ZNF518B: variants seen among roughly 807,000 people sequenced by gnomAD.
The protein encoded by ZNF518B is zinc finger protein 518B.
ZNF518B carries 23 observed loss-of-function variants against 56.3 expected under a neutral mutation model. The ratio of observed to expected loss-of-function variants is 0.41; its 90% CI spans 0.29 to 0.58. The LOEUF (loss-of-function observed/expected upper bound fraction) is 0.58, where lower values mean the gene tolerates loss of function less well. ZNF518B is among the 20% of genes least tolerant of loss of function. The probability of loss-of-function intolerance (pLI) is 0.32; values close to 1 mark genes in which losing one functional copy is unlikely to be tolerated. For missense variants in ZNF518B, 1,460 were observed against 1,272.1 expected (o/e 1.15, Z -2.25); for synonymous variants, 529 against 465.9 (o/e 1.14, Z -1.74).
upstream of ZNF518B, among the ~76,000 whole-genome samples, chr4:10,460,325 C>CAAAAAAAAAAAAA (rs1043723933): frequency 0.011 from 636 of 57,590 alleles, 202 homozygotes; most frequent in Middle Eastern, 0.025. Flanking sequence ...AAAAAAAAAC[C>CAAAAAAAAAAAAA]AAAAAAAAAA....
At chr4:10,448,839 T>C (rs1445065520) in intron 2 of ZNF518B, among the ~76,000 whole-genome samples, 6 of 152,202 alleles carry the variant, frequency 3.9e-5, no homozygotes, top group South Asian at 2.1e-4. Context: ...GGAGTCATTA[T>C]GAGAAGCTGG....
At position 10,442,964 on chromosome 4, in the gene ZNF518B, G is replaced by T; in HGVS notation, c.*140C>A. ...CACATACTTCAGGTTCAGACTCCTA[G>T]CTCCCAATATTCCTACAGTTCTGAA... On this transcript the variant is annotated 3_prime_UTR_variant, in exon 3 of 3. Coordinates refer to ENST00000326756, the MANE Select transcript of ZNF518B (RefSeq NM_053042.3). The T allele has an allele frequency of 1.3e-6, 1 of 760,820 alleles. No individual in the cohort carries two copies. Among genetic ancestry groups the T allele is most frequent in the Non-Finnish European group, 2.0e-6 (1 of 488,702 alleles). 47.1% of individuals were successfully genotyped at this position (760,820 alleles called of 1,614,324 possible). A position where few individuals can be genotyped will look rare whatever the true frequency, so the allele number is the denominator to read the frequency against.
upstream of ZNF518B, among the ~76,000 whole-genome samples, chr4:10,458,458 CA>C (rs1715638882): frequency 6.6e-6 from 1 of 152,170 alleles, no homozygotes; most frequent in Non-Finnish European, 1.5e-5. Context: ...GCAGTACTGC[CA>C]CACGGAGAAG....
In ZNF518B at chr4:10,441,036, G is replaced by A. The variant is rs1714654199; in HGVS notation, c.*2068C>T. On this transcript the variant is annotated 3_prime_UTR_variant, in exon 3 of 3. Coordinates refer to ENST00000326756, the MANE Select transcript of ZNF518B (RefSeq NM_053042.3). ...CTAAAAAGCACCAAATAAAAATGCA[G>A]TAATAAAATGATCCAAAGGGGTTTC... 1 of 152,674 alleles carries A rather than the reference G, an allele frequency of 6.5e-6. No individual in the cohort carries two copies. The highest frequency in any genetic ancestry group is 1.9e-4 in the East Asian group (1 of 5,180). 9.5% of individuals were successfully genotyped at this position (152,674 alleles called of 1,614,324 possible).
At position 10,444,185 on chromosome 4, in the gene ZNF518B, G is replaced by C. The variant is rs754150265; in HGVS notation, c.2144C>G (p.Thr715Ser). 3 of 1,614,222 alleles carry C rather than the reference G, an allele frequency of 1.9e-6. No individual in the cohort carries two copies. The highest frequency in any genetic ancestry group is 2.5e-6 in the Non-Finnish European group (3 of 1,180,036). The change falls in exon 3 of 3, where the codon ACT (threonine) becomes AGT (serine). Residue 715 changes from threonine (T) to serine (S), a missense_variant. Coordinates refer to ENST00000326756, the MANE Select transcript of ZNF518B (RefSeq NM_053042.3). ...AGTACCTGTGGAATGGCCAAGACCA[G>C]TGAGTGACACGTTGATTTCTTGAAT... ...EGIQEINVSL[T>S]GLGHSTGTLQ...
intron 1 of ZNF518B, among the ~76,000 whole-genome samples, chr4:10,455,537 C>A (rs1715490768): frequency 6.6e-6 from 1 of 152,148 alleles, no homozygotes; most frequent in South Asian, 2.1e-4. Flanking sequence ...ATAAAATGTT[C>A]TTTGTTCTTC....
Position 10,440,978 on chromosome 4 carries a change from C to CTTCTT in ZNF518B, c.*2125_*2126insAAGAA, listed in dbSNP as rs35830763. On this transcript the variant is annotated 3_prime_UTR_variant, in exon 3 of 3. Coordinates refer to ENST00000326756, the MANE Select transcript of ZNF518B (RefSeq NM_053042.3). Reference sequence around the variant, plus strand: ...TAACATGGATAAAACTTCGAATGCTCTACGTAGTGAAGTGGTACCAAAGAT... The same window carrying CTTCTT: ...TAACATGGATAAAACTTCGAATGCTCTTCTTTACGTAGTGAAGTGGTACCAAAGAT... The CTTCTT allele has an allele frequency of 1.3e-5, 2 of 151,902 alleles. No homozygotes were observed. Among genetic ancestry groups the CTTCTT allele is most frequent in the Admixed American group, 6.6e-5 (1 of 15,232 alleles). The allele number at this position is 151,902 out of a possible 1,614,324, so 9.4% of individuals were successfully genotyped here. A position where few individuals can be genotyped will look rare whatever the true frequency, so the allele number is the denominator to read the frequency against.
At chr4:10,461,327 G>C (rs1715736552), upstream of ZNF518B, among the ~76,000 whole-genome samples, 1 of 152,206 alleles carries the variant, frequency 6.6e-6, no homozygotes, top group Admixed American at 6.5e-5. Flanking sequence ...ACTCAGCTCG[G>C]CCGCCGCGGC....
chr4:10,443,676 A>G lies in ZNF518B; in HGVS notation c.2653T>C (p.Ser885Pro). Reference protein sequence around the residue: ...KQGRLLSRSLSISRNKTKQVH... With the variant: ...KQGRLLSRSLPISRNKTKQVH... ...TGTTTGGTTTTATTTCTACTTATAG[A>G]AAGACTTCTGGAAAGCAGTCTCCCT... is the stretch of plus-strand genomic sequence containing the variant. The change falls in exon 3 of 3, where the codon TCT (serine) becomes CCT (proline). Residue 885 changes from serine to proline, a missense_variant. By Grantham distance (74) the Ser-to-Pro change is moderately conservative. Coordinates refer to ENST00000326756, the MANE Select transcript of ZNF518B (RefSeq NM_053042.3). 1.2e-6 allele frequency: 2 copies of G among 1,614,088 alleles called. No individual in the cohort carries two copies. Among genetic ancestry groups the G allele is most frequent in the East Asian group, 2.2e-5 (1 of 44,886 alleles).
chr4:10,445,848 T>G lies in ZNF518B; in HGVS notation c.481A>C (p.Lys161Gln). 6.2e-7 allele frequency: 1 copy of G among 1,614,242 alleles called. No homozygotes were observed. Among genetic ancestry groups the G allele is most frequent in the Non-Finnish European group, 8.5e-7 (1 of 1,180,044 alleles). ...TAGCTGCAGTGAGAACAAATGAATT[T>G]AATCTCCTCGTGTTGAAGGGTGTGC... Reference protein sequence around the residue: ...KKHTLQHEEIKFICSHCSYIS... With the variant: ...KKHTLQHEEIQFICSHCSYIS... The change falls in exon 3 of 3, where the codon AAA becomes CAA. Residue 161 changes from lysine (K) to glutamine (Q), a missense_variant. By Grantham distance (53) the Lys-to-Gln change is moderately conservative. Transcript: ENST00000326756.
chr4:10,457,543 G>A (rs1279529996), upstream of ZNF518B: 1 of 152,386 alleles, frequency 6.6e-6, no homozygotes, highest in African/African-American at 2.4e-5. Flanking sequence ...CCAGAGCGGG[G>A]AGCCTCAGAC....
In ZNF518B at chr4:10,440,403, A is replaced by G. The variant is rs1465110071; in HGVS notation, c.*2701T>C. The G allele has an allele frequency of 6.6e-6, 1 of 152,564 alleles. No homozygotes were observed. The highest frequency in any genetic ancestry group is 2.4e-5 in the African/African-American group (1 of 41,424). 9.5% of individuals were successfully genotyped at this position (152,564 alleles called of 1,614,324 possible). A position where few individuals can be genotyped will look rare whatever the true frequency, so the allele number is the denominator to read the frequency against. ...TAAAAAATAAGTTGAAAATGATTTT[A>G]TTGGCAGTATTAACAAAATGTAGTG... is the stretch of plus-strand genomic sequence containing the variant. On this transcript the variant is annotated 3_prime_UTR_variant, in exon 3 of 3. Transcript: ENST00000326756.
Position 10,445,301 on chromosome 4 carries a change from C to T in ZNF518B, c.1028G>A (p.Cys343Tyr), listed in dbSNP as rs200699063. 1.1e-4 allele frequency: 172 copies of T among 1,614,084 alleles called. No individual in the cohort carries two copies. The highest frequency in any genetic ancestry group is 1.3e-4 in the Non-Finnish European group (153 of 1,180,030). ...CTTCACATCTATCAACTGGGCTAAA[C>T]AGTTTGCAGGGACAACTAGTTCTGC... ...APAELVVPAN[C>Y]LAQLIDVKVV... Residue 343 changes from cysteine to tyrosine, a missense_variant, in exon 3 of 3, where the codon TGT (cysteine) becomes TAT (tyrosine). Cys to Tyr is a radical substitution (Grantham distance 194, BLOSUM62 -2). Transcript: ENST00000326756.
chr4:10,441,439 G>GGAA lies in ZNF518B; in HGVS notation c.*1664_*1665insTTC, dbSNP rs71649567. On this transcript the variant is annotated 3_prime_UTR_variant, in exon 3 of 3. Coordinates refer to ENST00000326756, the MANE Select transcript of ZNF518B (RefSeq NM_053042.3). ...ACTGGAATCTAAGACTTTCCCATGT[G>GGAA]AAAAAAAAAAAAAAAAATCAAAGTC... The GGAA allele has an allele frequency of 1.4e-5, 2 of 140,102 alleles. No individual in the cohort carries two copies. Among genetic ancestry groups the GGAA allele is most frequent in the East Asian group, 2.1e-4 (1 of 4,830 alleles). 8.7% of individuals were successfully genotyped at this position (140,102 alleles called of 1,614,324 possible).
In ZNF518B at chr4:10,443,812, G is replaced by A. The variant is rs138229174; in HGVS notation, c.2517C>T (p.Ile839=). Reference sequence around the variant, plus strand: ...TCAGTTTAGGCCGCAGAGGTGTCTCGATATTTGGGGACATATCTATTGGCC... The same window carrying A: ...TCAGTTTAGGCCGCAGAGGTGTCTCAATATTTGGGGACATATCTATTGGCC... ...ERGPIDMSPN[I]ETPLRPKLRK... Residue 839 remains isoleucine (I), a synonymous_variant, in exon 3 of 3, where the codon ATC becomes ATT. Coordinates refer to ENST00000326756, the MANE Select transcript of ZNF518B (RefSeq NM_053042.3). 759 of 1,614,166 alleles carry A rather than the reference G, an allele frequency of 4.7e-4. No homozygotes were observed. The highest frequency in any genetic ancestry group is 4.9e-4 in the Non-Finnish European group (577 of 1,180,034).
intron 2 of ZNF518B, chr4:10,451,172 T>TATCCCCATAATAAAAC (rs1255151012): frequency 7.2e-5 from 11 of 152,190 alleles, no homozygotes; most frequent in African/African-American, 2.7e-4. Flanking sequence ...AAAGACTTAT[T>TATCCCCATAATAAAAC]ATGGGGACAT....
chr4:10,452,513 A>G (rs1168716592), intron 2 of ZNF518B: 1 of 152,168 alleles, frequency 6.6e-6, no homozygotes, highest in Non-Finnish European at 1.5e-5. Flanking sequence ...AATCAACATT[A>G]GACATCAACT....
In ZNF518B at chr4:10,444,648, T is replaced by C; in HGVS notation, c.1681A>G (p.Ile561Val). 1 of 1,614,252 alleles carries C rather than the reference T, an allele frequency of 6.2e-7. No individual in the cohort carries two copies. The highest frequency in any genetic ancestry group is 8.5e-7 in the Non-Finnish European group (1 of 1,180,046). Reference protein sequence around the residue: ...NDLESTSKVNIPVKVVSSNRK... With the variant: ...NDLESTSKVNVPVKVVSSNRK... Reference sequence around the variant, plus strand: ...TTAGAGGAAACCACTTTTACAGGAATATTGACTTTACTTGTAGATTCCAAG... The same window carrying C: ...TTAGAGGAAACCACTTTTACAGGAACATTGACTTTACTTGTAGATTCCAAG... Residue 561 changes from isoleucine (I) to valine (V), a missense_variant, in exon 3 of 3, where the codon ATT becomes GTT. Ile to Val is a conservative substitution (Grantham distance 29). Coordinates refer to ENST00000326756, the MANE Select transcript of ZNF518B (RefSeq NM_053042.3).
chr4:10,447,094 C>T (rs898226707), intron 2 of ZNF518B, among the ~76,000 whole-genome samples: 5 of 152,198 alleles, frequency 3.3e-5, no homozygotes, highest in Admixed American at 6.5e-5. Flanking sequence ...TGTTAGCAAG[C>T]CTGCTGCAGC....
Sources: gnomAD v4.1 joint callset for allele counts (sites outside exome capture counted in the v4.1 genomes callset) on GRCh38, gnomAD v4.1.1 for gene constraint, MANE v1.5 for transcripts, NCBI Gene and HGNC (gene_info 2026-07-23, HGNC 2026-07-21) for gene names.